The following RABGAP1L variants were observed in gnomAD, a reference collection of about 807,000 sequenced individuals.
RABGAP1L encodes the protein RAB GTPase activating protein 1 like.
A neutral mutation model predicts 137.7 loss-of-function variants in RABGAP1L; 63 were observed. The ratio of observed to expected loss-of-function variants is 0.46; its 90% CI spans 0.37 to 0.56. The LOEUF is 0.56. RABGAP1L is among the 20% of genes least tolerant of loss of function. RABGAP1L has a pLI of 0.00. For missense variants in RABGAP1L, 1,095 were observed against 1,244.0 expected (o/e 0.88, Z 1.80); for synonymous variants, 431 against 433.7 (o/e 0.99, Z 0.08).
At chr1:174,729,872 G>A (rs1682315894) in intron 17 of RABGAP1L, among the ~76,000 whole-genome samples, 1 of 152,170 alleles carries the variant, frequency 6.6e-6, no homozygotes, top group Admixed American at 6.5e-5. Flanking sequence ...CTGTTGGTGG[G>A]AATGTAAATT....
intron 18 of RABGAP1L, among the ~76,000 whole-genome samples, chr1:174,806,679 A>G (rs1240216593): frequency 6.6e-6 from 1 of 152,242 alleles, no homozygotes; most frequent in East Asian, 1.9e-4. Flanking sequence ...GATGGTGAGA[A>G]CTGGTTCTGG....
At chr1:174,167,990 G>C (rs546156415) in intron 1 of RABGAP1L, among the ~76,000 whole-genome samples, 2 of 152,006 alleles carry the variant, frequency 1.3e-5, no homozygotes, top group African/African-American at 4.8e-5. Context: ...GATGGCCGGG[G>C]GTGGTGGCCC....
intron 12 of RABGAP1L, among the ~76,000 whole-genome samples, chr1:174,375,478 G>GA (rs1271690294): frequency 2.6e-5 from 4 of 151,928 alleles, no homozygotes; most frequent in African/African-American, 9.6e-5. Context: ...GACTGACCAA[G>GA]AAAAACAAGG....
intron 1 of RABGAP1L, among the ~76,000 whole-genome samples, chr1:174,195,856 G>C (rs1275753459): frequency 2.2e-5 from 2 of 90,878 alleles, no homozygotes; most frequent in Non-Finnish European, 4.3e-5. Context: ...TTTTTTTTGA[G>C]ACAGAGTCTT....
chr1:174,802,151 CTCTTTGGAGG>C (rs1688815679), intron 18 of RABGAP1L, among the ~76,000 whole-genome samples: 1 of 152,144 alleles, frequency 6.6e-6, no homozygotes, highest in Non-Finnish European at 1.5e-5. Flanking sequence ...CAAGCTTGAG[CTCTTTGGAGG>C]TCATGTATAT....
rs1670864728 is a variant in RABGAP1L at position 174,978,906 on chromosome 1, G to A, written c.2733+16G>A. 2 of 1,490,942 alleles carry A rather than the reference G, an allele frequency of 1.3e-6. No individual in the cohort carries two copies. The highest frequency in any genetic ancestry group is 2.9e-5 in the African/African-American group (2 of 69,066). 92.4% of individuals were successfully genotyped at this position (1,490,942 alleles called of 1,614,324 possible). On this transcript the variant is annotated intron_variant, in intron 23 of 25. Transcript: ENST00000681986. ...GTATAAACAGGTAATGTACTTCTGT[G>A]GCACATAGAGCTAGTTATAGTTTGC...
At chr1:174,743,211 T>C (rs1269806806) in intron 17 of RABGAP1L, among the ~76,000 whole-genome samples, 1 of 152,158 alleles carries the variant, frequency 6.6e-6, no homozygotes, top group Non-Finnish European at 1.5e-5. Context: ...TAGCAATATG[T>C]AAGAAACAGG....
At chr1:174,653,242 G>A (rs1210291034) in intron 14 of RABGAP1L, among the ~76,000 whole-genome samples, 1 of 152,178 alleles carries the variant, frequency 6.6e-6, no homozygotes, top group Non-Finnish European at 1.5e-5. Flanking sequence ...GCTCCATGGG[G>A]GTGGGATCTG....
At chr1:174,304,864 T>C (rs1678052235) in intron 10 of RABGAP1L, 122 bp from the exon 11 acceptor site, 3 of 865,930 alleles carry the variant, frequency 3.5e-6, no homozygotes, top group Non-Finnish European at 5.0e-6. Flanking sequence ...TCAGACATGC[T>C]GTAGATCAAA....
chr1:174,162,969 T>C (rs557658475), intron 1 of RABGAP1L, among the ~76,000 whole-genome samples: 32 of 144,788 alleles, frequency 2.2e-4, no homozygotes, highest in Non-Finnish European at 3.3e-4. Flanking sequence ...AGGGATAGCA[T>C]TGGGAGATAT....
At chr1:174,436,961 T>A (rs2149215670) in intron 13 of RABGAP1L, among the ~76,000 whole-genome samples, 1 of 152,342 alleles carries the variant, frequency 6.6e-6, no homozygotes, top group Non-Finnish European at 1.5e-5. Flanking sequence ...GCAAACAGGG[T>A]CTGGAGTGGA....
At chr1:174,522,582 A>AG (rs1553321363) in intron 13 of RABGAP1L, among the ~76,000 whole-genome samples, 1 of 152,160 alleles carries the variant, frequency 6.6e-6, no homozygotes, top group East Asian at 1.9e-4. Flanking sequence ...GGGAAAAAAA[A>AG]GAAAAAAGAA....
chr1:174,633,051 GGAAATAA>G (rs1673573169), intron 13 of RABGAP1L, among the ~76,000 whole-genome samples: 1 of 152,028 alleles, frequency 6.6e-6, no homozygotes, highest in Non-Finnish European at 1.5e-5. Context: ...GGCAGGAGAA[GGAAATAA>G]AGGGTATTCA....
intron 11 of RABGAP1L, among the ~76,000 whole-genome samples, chr1:174,353,452 C>T (rs1683364312): frequency 6.6e-6 from 1 of 152,136 alleles, no homozygotes; most frequent in Admixed American, 6.5e-5. Context: ...GCTCCAAGCC[C>T]AGCATAGCAC....
chr1:174,967,104 G>GT (rs34572377), intron 20 of RABGAP1L, among the ~76,000 whole-genome samples: 3 of 151,110 alleles, frequency 2.0e-5, no homozygotes, highest in Admixed American at 6.6e-5. Context: ...ATTTATTGGG[G>GT]TTTTTTTCCC....
chr1:174,635,170 C>A (rs903452366), intron 13 of RABGAP1L, among the ~76,000 whole-genome samples: 4 of 152,010 alleles, frequency 2.6e-5, no homozygotes, highest in African/African-American at 9.7e-5. Flanking sequence ...CTATTGGAAC[C>A]ATTTAAACAC....
At chr1:174,972,104 G>A (rs770540322) in intron 21 of RABGAP1L, among the ~76,000 whole-genome samples, 1 of 152,126 alleles carries the variant, frequency 6.6e-6, no homozygotes, top group Non-Finnish European at 1.5e-5. Context: ...AAAAAAAGGT[G>A]CAACATCTCC....
In RABGAP1L at chr1:174,990,197, T is replaced by A; in HGVS notation, c.*196T>A. 1 of 583,378 alleles carries A rather than the reference T, an allele frequency of 1.7e-6. No homozygotes were observed. Among genetic ancestry groups the A allele is most frequent in the South Asian group, 3.4e-5 (1 of 29,706 alleles). The allele number at this position is 583,378 out of a possible 1,614,324, so 36.1% of individuals were successfully genotyped here. On this transcript the variant is annotated 3_prime_UTR_variant, in exon 26 of 26. Coordinates refer to ENST00000681986, the MANE Select transcript of RABGAP1L (RefSeq NM_001366446.1). ...ACTGACCTGTTCTATGTTGAATACC[T>A]ATTTTCCAGCTTCTGGAAGGCCATG...
intron 17 of RABGAP1L, among the ~76,000 whole-genome samples, chr1:174,704,983 A>G (rs932747855): frequency 1.3e-5 from 2 of 152,200 alleles, no homozygotes; most frequent in Non-Finnish European, 2.9e-5. Flanking sequence ...ATTTCATGGT[A>G]TTTCATAAAA....
Sources: allele counts gnomAD v4.1 joint callset (sites outside exome capture counted in the v4.1 genomes callset), GRCh38; gene constraint gnomAD v4.1.1; transcripts MANE v1.5; gene names NCBI Gene and HGNC (gene_info 2026-07-23, HGNC 2026-07-21).